KATNIP: variants seen among roughly 807,000 people sequenced by gnomAD.
KATNIP encodes katanin-interacting protein.
In KATNIP, 126 loss-of-function variants were observed where a neutral mutation model predicts 174.0. The observed-to-expected ratio is 0.72, with a 90% CI of 0.63 to 0.84. The LOEUF (loss-of-function observed/expected upper bound fraction) is 0.84, where lower values mean the gene tolerates loss of function less well. Ranked by LOEUF, KATNIP falls within the 40% of genes least tolerant of loss-of-function variation. The pLI, the probability that KATNIP is intolerant of heterozygous loss-of-function variation, is 0.00. For missense variants in KATNIP, 1,958 were observed against 2,109.7 expected (o/e 0.93, Z 1.41); for synonymous variants, 810 against 835.7 (o/e 0.97, Z 0.53).
chr16:27,752,291 T>C (rs1360724216), intron 17 of KATNIP, among the ~76,000 whole-genome samples: 3 of 152,188 alleles, frequency 2.0e-5, no homozygotes, highest in African/African-American at 7.2e-5. Flanking sequence ...ATGCTTTTCA[T>C]AGGCAGAGTT....
intron 7 of KATNIP, chr16:27,679,103 T>C (rs375826733): frequency 1.3e-5 from 2 of 152,350 alleles, no homozygotes; most frequent in African/African-American, 4.8e-5. Flanking sequence ...AATGAGGGAA[T>C]GTTTGGAATC....
chr16:27,594,254 T>TA (rs2075267229), intron 2 of KATNIP, among the ~76,000 whole-genome samples: 1 of 151,936 alleles, frequency 6.6e-6, no homozygotes, highest in Admixed American at 6.6e-5. Context: ...AGTGAGGCCC[T>TA]ATCTCAAAAA....
chr16:27,703,120 CTG>C (rs1219902265), intron 11 of KATNIP, among the ~76,000 whole-genome samples: 2 of 151,800 alleles, frequency 1.3e-5, no homozygotes, highest in African/African-American at 4.8e-5. Flanking sequence ...TGAGCCGAGA[CTG>C]TGCCATTGCA....
At chr16:27,723,691 C>T (rs2080329030) in intron 14 of KATNIP, among the ~76,000 whole-genome samples, 1 of 152,224 alleles carries the variant, frequency 6.6e-6, no homozygotes, top group Non-Finnish European at 1.5e-5. Context: ...GTTATCCTTA[C>T]TGATATCCAG....
chr16:27,732,517 G>A (rs1312857770), intron 14 of KATNIP, among the ~76,000 whole-genome samples: 1 of 152,176 alleles, frequency 6.6e-6, no homozygotes, highest in African/African-American at 2.4e-5. Flanking sequence ...ATGTGTCTGT[G>A]GACACTTGGC....
At chr16:27,576,150 G>A (rs528620449) in intron 2 of KATNIP, among the ~76,000 whole-genome samples, 9 of 152,262 alleles carry the variant, frequency 5.9e-5, no homozygotes, top group African/African-American at 1.9e-4. Context: ...ACCATGGAGC[G>A]GGGCGGGGGA....
chr16:27,618,754 G>C (rs867174499), intron 3 of KATNIP, among the ~76,000 whole-genome samples: 1 of 152,148 alleles, frequency 6.6e-6, no homozygotes, highest in South Asian at 2.1e-4. Flanking sequence ...TCCTATTCTG[G>C]GAGAAGATAA....
At chr16:27,655,245 G>C (rs555858122) in intron 6 of KATNIP, among the ~76,000 whole-genome samples, 2 of 108,190 alleles carry the variant, frequency 1.8e-5, no homozygotes, top group African/African-American at 6.7e-5. Flanking sequence ...TTGTTTGTTT[G>C]TTTAAAGAGA....
chr16:27,609,916 G>A (rs1275355917), intron 2 of KATNIP, among the ~76,000 whole-genome samples: 1 of 152,134 alleles, frequency 6.6e-6, no homozygotes, highest in Non-Finnish European at 1.5e-5. Context: ...GTTAAGTCTT[G>A]AAGGAGGAAA....
At chr16:27,656,556 T>C (rs1017968547) in intron 6 of KATNIP, among the ~76,000 whole-genome samples, 1 of 149,652 alleles carries the variant, frequency 6.7e-6, no homozygotes, top group African/African-American at 2.5e-5. Flanking sequence ...CCAACAACGA[T>C]AGACTGGATT....
chr16:27,700,524 A>C (rs1196303994), intron 10 of KATNIP, among the ~76,000 whole-genome samples: 1 of 152,176 alleles, frequency 6.6e-6, no homozygotes, highest in Non-Finnish European at 1.5e-5. Flanking sequence ...ACAGCTGCTA[A>C]TATGTGAGAG....
intron 8 of KATNIP, among the ~76,000 whole-genome samples, chr16:27,683,189 A>G (rs900653917): frequency 5.9e-5 from 9 of 152,216 alleles, no homozygotes; most frequent in East Asian, 1.9e-4. Context: ...CTGTGCATGC[A>G]CAAGCCATGC....
Position 27,648,590 on chromosome 16 carries a change from G to T in KATNIP, c.409-14G>T, listed in dbSNP as rs989444584. The T allele has an allele frequency of 6.2e-7, 1 of 1,613,966 alleles. No homozygotes were observed. Among genetic ancestry groups the T allele is most frequent in the Non-Finnish European group, 8.5e-7 (1 of 1,179,890 alleles). ...CATTCCACCTTATCTGAAATGGCCT[G>T]CATTTTTGTACAGAAATCTGTGCAG... On this transcript the variant is annotated splice_polypyrimidine_tract_variant and intron_variant, in intron 5 of 27. Coordinates refer to ENST00000261588, the MANE Select transcript of KATNIP (RefSeq NM_015202.5).
At position 27,769,944 on chromosome 16, in the gene KATNIP, C is replaced by T; in HGVS notation, c.4059C>T (p.Cys1353=). The T allele has an allele frequency of 6.2e-7, 1 of 1,614,126 alleles. No individual in the cohort carries two copies. The highest frequency in any genetic ancestry group is 2.2e-5 in the East Asian group (1 of 44,896). The change falls in exon 21 of 28, where the codon TGC becomes TGT. Residue 1353 remains cysteine, a synonymous_variant. Transcript: ENST00000261588. ...GFLIRKGPGN[C]HFDFAQEILF... is the part of the protein sequence containing the mutation. Reference sequence around the variant, plus strand: ...TCATCCGGAAGGGGCCAGGCAACTGCCACTTTGATTTTGCTCAAGAAATCC... The same window carrying T: ...TCATCCGGAAGGGGCCAGGCAACTGTCACTTTGATTTTGCTCAAGAAATCC...
In KATNIP at chr16:27,618,619, C is replaced by T; in HGVS notation, c.140+118C>T. On this transcript the variant is annotated intron_variant, in intron 3 of 27. Transcript: ENST00000261588. ...GAATGGGATGCAGAGTCCCCCTCCA[C>T]TCAGAGGCTTAGAATATTATCTGCA... 17 of 677,136 alleles carry T rather than the reference C, an allele frequency of 2.5e-5. No homozygotes were observed. In the South Asian group the frequency reaches 2.6e-4, roughly 10 times the overall value. 41.9% of individuals were successfully genotyped at this position (677,136 alleles called of 1,614,324 possible). A position where few individuals can be genotyped will look rare whatever the true frequency, so the allele number is the denominator to read the frequency against.
At chr16:27,587,903 TTTC>T (rs1323467746) in intron 2 of KATNIP, among the ~76,000 whole-genome samples, 2 of 151,356 alleles carry the variant, frequency 1.3e-5, no homozygotes, top group Non-Finnish European at 2.9e-5. Context: ...CCCTTTCCTT[TTTC>T]TTTTCTTTTC....
rs28457270 is a variant in KATNIP at position 27,598,222 on chromosome 16, C to T, written c.64-20203C>T. Among the ~76,000 whole-genome samples, 1,177 of 139,384 alleles carry T rather than the reference C, an allele frequency of 8.4e-3. 17 individuals are homozygous for T. The highest frequency in any genetic ancestry group is 0.03 in the African/African-American group (1,123 of 37,424). The allele number at this position is 139,384 out of a possible 152,430, so 91.4% of individuals were successfully genotyped here. ...CGCCACCATTGCACTGCAGCCTGGG[C>T]GACAGAGCAAGACTCCATCTCAAAA... On this transcript the variant is annotated intron_variant, in intron 2 of 27. Coordinates refer to ENST00000261588, the MANE Select transcript of KATNIP (RefSeq NM_015202.5).
intron 14 of KATNIP, among the ~76,000 whole-genome samples, chr16:27,722,551 C>T (rs1260933636): frequency 6.6e-6 from 1 of 152,218 alleles, no homozygotes; most frequent in African/African-American, 2.4e-5. Flanking sequence ...CAGGAATTCA[C>T]TTGGCCTATC....
intron 6 of KATNIP, among the ~76,000 whole-genome samples, chr16:27,660,893 G>A (rs1408362547): frequency 3.3e-5 from 5 of 152,068 alleles, no homozygotes; most frequent in Non-Finnish European, 7.4e-5. Flanking sequence ...AATGTGCTCC[G>A]TCTCATTGCC....
Sources: gnomAD v4.1 joint callset for allele counts (sites outside exome capture counted in the v4.1 genomes callset) on GRCh38, gnomAD v4.1.1 for gene constraint, MANE v1.5 for transcripts, NCBI Gene and HGNC (gene_info 2026-07-23, HGNC 2026-07-21) for gene names.